The following OR1J2 variants were observed in gnomAD, a reference collection of about 807,000 sequenced individuals.
OR1J2 encodes the protein olfactory receptor 1J2.
For missense variants in OR1J2, 304 were observed against 246.1 expected (o/e 1.24, Z -1.57); for synonymous variants, 142 against 99.7 (o/e 1.42, Z -2.52).
the OR1J2 span, chr9:122,477,195 G>A: frequency 9.3e-6 from 15 of 1,614,174 alleles, no homozygotes; most frequent in Middle Eastern, 1.6e-4. Context: ...CCACTGAGAG[G>A]TGGGATCCAC....
the OR1J2 span, among the ~76,000 whole-genome samples, chr9:122,547,448 T>C: frequency 1.3e-5 from 2 of 152,190 alleles, no homozygotes; most frequent in African/African-American, 4.8e-5. Context: ...TGCATGGTGG[T>C]GAACTCTGGG....
the OR1J2 span, chr9:122,526,794 C>G: frequency 6.2e-7 from 1 of 1,614,070 alleles, no homozygotes. Context: ...CCCAGTCACA[C>G]AGAAGGACAA....
At chr9:122,454,859 C>T in the OR1J2 span, among the ~76,000 whole-genome samples, 3 of 152,302 alleles carry the variant, frequency 2.0e-5, no homozygotes, top group East Asian at 5.8e-4. Flanking sequence ...TTATCTTTAA[C>T]TTTAGGTTTC....
the OR1J2 span, among the ~76,000 whole-genome samples, chr9:122,574,552 C>G: frequency 6.6e-6 from 1 of 152,084 alleles, no homozygotes; most frequent in Non-Finnish European, 1.5e-5. Context: ...ATTTTGCACT[C>G]TTGCTGTAAT....
the OR1J2 span, chr9:122,526,368 A>G: frequency 6.7e-7 from 1 of 1,493,268 alleles, no homozygotes; most frequent in Non-Finnish European, 8.9e-7. Context: ...CTAAGAGGAA[A>G]CAATACTCCT....
At chr9:122,532,589 G>T in the OR1J2 span, among the ~76,000 whole-genome samples, 2 of 144,966 alleles carry the variant, frequency 1.4e-5, 1 homozygote, top group African/African-American at 5.3e-5. Context: ...AGCTGAAGGA[G>T]CTGCGGAGCA....
At chr9:122,509,172 G>T (rs755027030), upstream of OR1J2, among the ~76,000 whole-genome samples, 11 of 152,094 alleles carry the variant, frequency 7.2e-5, no homozygotes, top group South Asian at 4.1e-4. Context: ...TCCCACCTTG[G>T]AATGCACCAC....
At chr9:122,553,208 A>G in the OR1J2 span, 1 of 1,613,370 alleles carries the variant, frequency 6.2e-7, no homozygotes, top group Non-Finnish European at 8.5e-7. Flanking sequence ...ACGAACTACA[A>G]GGGATGGGAA....
At chr9:122,491,779 G>A in the OR1J2 span, among the ~76,000 whole-genome samples, 4 of 152,118 alleles carry the variant, frequency 2.6e-5, no homozygotes, top group Non-Finnish European at 5.9e-5. Flanking sequence ...AGCTTTGGTG[G>A]AAGAGTGGGA....
the OR1J2 span, chr9:122,553,813 T>G: frequency 1.9e-6 from 3 of 1,613,978 alleles, no homozygotes; most frequent in African/African-American, 4.0e-5. Context: ...AACGAGCTGA[T>G]GATCATCACC....
the OR1J2 span, among the ~76,000 whole-genome samples, chr9:122,535,337 G>C: frequency 6.6e-6 from 1 of 152,104 alleles, no homozygotes; most frequent in Admixed American, 6.5e-5. Flanking sequence ...TGCGTGGTCT[G>C]ACACCTCTGA....
chr9:122,533,854 G>T, the OR1J2 span, among the ~76,000 whole-genome samples: 1 of 152,150 alleles, frequency 6.6e-6, no homozygotes, highest in Non-Finnish European at 1.5e-5. Flanking sequence ...CAGTGTCTGT[G>T]ATGGTCTACA....
the OR1J2 span, among the ~76,000 whole-genome samples, chr9:122,458,783 C>G: frequency 5.3e-5 from 8 of 151,928 alleles, no homozygotes; most frequent in African/African-American, 1.7e-4. Context: ...TTGCTTTTGT[C>G]AGTTTTTGGA....
chr9:122,477,251 G>A, the OR1J2 span: 1 of 1,614,104 alleles, frequency 6.2e-7, no homozygotes, highest in Non-Finnish European at 8.5e-7. Flanking sequence ...GGAATCTGGA[G>A]GATGGTGACC....
chr9:122,451,385 A>C, the OR1J2 span, among the ~76,000 whole-genome samples: 1 of 151,882 alleles, frequency 6.6e-6, no homozygotes, highest in Non-Finnish European at 1.5e-5. Flanking sequence ...GGGTTTCTCC[A>C]TGTTGGTCAG....
chr9:122,556,601 G>T, the OR1J2 span, among the ~76,000 whole-genome samples: 1 of 152,036 alleles, frequency 6.6e-6, no homozygotes, highest in African/African-American at 2.4e-5. Context: ...AGGTTGAAAG[G>T]TGCAGCAAAC....
At chr9:122,462,689 T>G in the OR1J2 span, among the ~76,000 whole-genome samples, 5 of 152,238 alleles carry the variant, frequency 3.3e-5, no homozygotes, top group Non-Finnish European at 7.3e-5. Flanking sequence ...AATCTTAGTT[T>G]CACTGGATAC....
the OR1J2 span, among the ~76,000 whole-genome samples, chr9:122,535,359 A>G: frequency 7.2e-5 from 11 of 152,138 alleles, no homozygotes; most frequent in African/African-American, 2.4e-4. Context: ...ACCTGGGTGA[A>G]TAATCAGAGA....
chr9:122,520,553 C>T, the OR1J2 span, among the ~76,000 whole-genome samples: 1 of 152,192 alleles, frequency 6.6e-6, no homozygotes, highest in Non-Finnish European at 1.5e-5. Context: ...TATTCACTGT[C>T]ATAAGTTCAG....
Sources: gnomAD v4.1 joint callset for allele counts (sites outside exome capture counted in the v4.1 genomes callset) on GRCh38, gnomAD v4.1.1 for gene constraint, MANE v1.5 for transcripts, NCBI Gene and HGNC (gene_info 2026-07-23, HGNC 2026-07-21) for gene names.